DLG2: variants seen among roughly 807,000 people sequenced by gnomAD.
DLG2 encodes the protein disks large homolog 2.
A neutral mutation model predicts 132.5 loss-of-function variants in DLG2; 45 were observed. The ratio of observed to expected loss-of-function variants is 0.34; its 90% confidence interval spans 0.27 to 0.44. The LOEUF (loss-of-function observed/expected upper bound fraction) is 0.44. Ranked by LOEUF, DLG2 falls within the 20% of genes least tolerant of loss-of-function variation. The probability of loss-of-function intolerance (pLI) is 1.00; values close to 1 mark genes in which losing one functional copy is unlikely to be tolerated. For missense variants in DLG2, 1,045 were observed against 1,196.9 expected (o/e 0.87, Z 1.87); for synonymous variants, 424 against 419.6 (o/e 1.01, Z -0.13).
intron 3 of DLG2, among the ~76,000 whole-genome samples, chr11:85,583,128 GTGTATATATATATATATATATATA>G (rs2078711399): frequency 3.6e-5 from 1 of 27,420 alleles, no homozygotes; most frequent in African/African-American, 1.1e-4. Flanking sequence ...GTGTGTGTGT[GTGTATATATATATATATATATATA>G]TATATATATA....
chr11:83,630,249 T>C (rs1167955794), intron 19 of DLG2, among the ~76,000 whole-genome samples: 1 of 152,110 alleles, frequency 6.6e-6, no homozygotes, highest in African/African-American at 2.4e-5. Flanking sequence ...AGTGGGGAAA[T>C]GAAGGCAGCT....
chr11:85,205,491 G>A (rs1183828529), intron 4 of DLG2, among the ~76,000 whole-genome samples: 4 of 152,072 alleles, frequency 2.6e-5, no homozygotes, highest in Non-Finnish European at 5.9e-5. Flanking sequence ...AATAACTATG[G>A]TTAACACTCA....
chr11:84,078,840 C>A (rs2096863318), intron 10 of DLG2, among the ~76,000 whole-genome samples: 1 of 152,200 alleles, frequency 6.6e-6, no homozygotes, highest in African/African-American at 2.4e-5. Context: ...CCAGTCAGAT[C>A]TCTCAGAGTT....
chr11:85,172,452 C>T (rs2078943048), intron 4 of DLG2, among the ~76,000 whole-genome samples: 1 of 152,156 alleles, frequency 6.6e-6, no homozygotes, highest in Non-Finnish European at 1.5e-5. Context: ...CACAAAAACC[C>T]CATTCAAAGG....
chr11:84,564,371 T>C (rs575769460), intron 6 of DLG2, among the ~76,000 whole-genome samples: 2 of 152,184 alleles, frequency 1.3e-5, no homozygotes, highest in African/African-American at 4.8e-5. Flanking sequence ...GAACTGACTT[T>C]ACAGTATCCT....
intron 19 of DLG2, among the ~76,000 whole-genome samples, chr11:83,590,530 A>G (rs1389350967): frequency 2.6e-5 from 4 of 151,972 alleles, no homozygotes; most frequent in Non-Finnish European, 5.9e-5. Context: ...TGCCCACAAG[A>G]GAAAGCAGGA....
At chr11:85,164,771 T>C (rs2078307335) in intron 4 of DLG2, among the ~76,000 whole-genome samples, 1 of 152,214 alleles carries the variant, frequency 6.6e-6, no homozygotes, top group African/African-American at 2.4e-5. Context: ...TTAAAAAGCA[T>C]CTTATGAAGT....
intron 11 of DLG2, among the ~76,000 whole-genome samples, chr11:83,992,428 T>C (rs1193849855): frequency 5.3e-5 from 8 of 152,084 alleles, no homozygotes; most frequent in African/African-American, 1.9e-4. Flanking sequence ...GGTCATTATA[T>C]GCAATCTGAG....
intron 6 of DLG2, among the ~76,000 whole-genome samples, chr11:85,071,053 T>C (rs1460801903): frequency 6.6e-6 from 1 of 151,854 alleles, no homozygotes. Flanking sequence ...TCTACGCCTC[T>C]GTTTCATCAT....
At chr11:84,981,690 A>C (rs2055761916) in intron 6 of DLG2, among the ~76,000 whole-genome samples, 1 of 152,172 alleles carries the variant, frequency 6.6e-6, no homozygotes, top group Admixed American at 6.5e-5. Context: ...TCTACCTAAA[A>C]AAAATAAATA....
intron 15 of DLG2, among the ~76,000 whole-genome samples, chr11:83,917,373 C>G (rs74770149): frequency 0.025 from 3,790 of 152,250 alleles, 173 homozygotes; most frequent in African/African-American, 0.086. Context: ...TAGTCATGCT[C>G]ATTACAATGA....
chr11:84,224,781 G>C (rs2096966280), intron 8 of DLG2, among the ~76,000 whole-genome samples: 1 of 152,098 alleles, frequency 6.6e-6, no homozygotes, highest in Admixed American at 6.6e-5. Context: ...TCCTCTCACT[G>C]TTTCTAATCT....
At chr11:85,095,071 G>A (rs2069496038) in intron 6 of DLG2, among the ~76,000 whole-genome samples, 1 of 152,180 alleles carries the variant, frequency 6.6e-6, no homozygotes, top group African/African-American at 2.4e-5. Context: ...TGGTGGAGGA[G>A]ACAGAACACA....
At chr11:84,120,329 G>T (rs2093848066) in intron 9 of DLG2, among the ~76,000 whole-genome samples, 1 of 152,176 alleles carries the variant, frequency 6.6e-6, no homozygotes, top group Non-Finnish European at 1.5e-5. Flanking sequence ...AATCACTCAA[G>T]AAAGCTGCTA....
At chr11:84,703,820 C>G (rs12276394) in intron 6 of DLG2, among the ~76,000 whole-genome samples, 4,896 of 137,420 alleles carry the variant, frequency 0.036, 309 homozygotes, top group African/African-American at 0.13. Context: ...TTAGTGTCTT[C>G]TTAGCTTAGA....
At position 83,627,421 on chromosome 11, in the gene DLG2, T is replaced by A. The variant is rs542210002; in HGVS notation, c.1940+5790A>T. ...ATGTTCCCCTTCCTGTGTCCATGTG[T>A]TCTCATTGTTCAATTCCCACCTATG... is the stretch of plus-strand genomic sequence containing the variant. On this transcript the variant is annotated intron_variant, in intron 19 of 27. Transcript: ENST00000376104. Among the ~76,000 whole-genome samples, 420 of 151,942 alleles carry A rather than the reference T, an allele frequency of 2.8e-3. 3 individuals are homozygous for A. The highest frequency in any genetic ancestry group is 0.017 in the Middle Eastern group (5 of 294).
At chr11:84,087,484 G>A (rs1159760416) in intron 10 of DLG2, among the ~76,000 whole-genome samples, 2 of 152,120 alleles carry the variant, frequency 1.3e-5, no homozygotes, top group Admixed American at 6.6e-5. Flanking sequence ...TTTGTGGTAG[G>A]CTGAATAATG....
intron 9 of DLG2, 67 bp from the exon 10 acceptor site, chr11:84,099,114 C>G: frequency 7.0e-7 from 1 of 1,424,572 alleles, no homozygotes; most frequent in Non-Finnish European, 9.8e-7. Context: ...CTCTTGCACT[C>G]TGCATTATCA....
chr11:84,619,866 A>G (rs2099610871), intron 6 of DLG2, among the ~76,000 whole-genome samples: 2 of 151,742 alleles, frequency 1.3e-5, no homozygotes, highest in African/African-American at 4.8e-5. Flanking sequence ...CAGTATCATA[A>G]GAAATCAATC....
Sources: gnomAD v4.1 joint callset for allele counts (sites outside exome capture counted in the v4.1 genomes callset) on GRCh38, gnomAD v4.1.1 for gene constraint, MANE v1.5 for transcripts, NCBI Gene and HGNC (gene_info 2026-07-23, HGNC 2026-07-21) for gene names.